CAPS2: variants seen among roughly 807,000 people sequenced by gnomAD.
The protein encoded by CAPS2 is calcyphosin-2.
In CAPS2, 98 loss-of-function variants were observed where a neutral mutation model predicts 86.5. The ratio of observed to expected loss-of-function variants is 1.13; its 90% confidence interval spans 0.96 to 1.34. The LOEUF (loss-of-function observed/expected upper bound fraction) is 1.34. CAPS2 is among the 40% of genes most tolerant of loss of function. The probability of loss-of-function intolerance (pLI) is 0.00; values close to 1 mark genes in which losing one functional copy is unlikely to be tolerated. For synonymous variants in CAPS2, 210 were observed against 225.1 expected, an observed-to-expected ratio of 0.93 and a Z score of 0.60; for missense variants, 729 against 686.8, an observed-to-expected ratio of 1.06 and a Z score of -0.69.
At chr12:75,329,744 T>C (rs1211386143), upstream of CAPS2, 3 of 1,125,654 alleles carry the variant, frequency 2.7e-6, no homozygotes, top group African/African-American at 3.2e-5. Context: ...GAAACTTAGG[T>C]CATTCCTAAT....
At chr12:75,334,995 A>G, upstream of CAPS2, 1 of 1,245,464 alleles carries the variant, frequency 8.0e-7, no homozygotes, top group Non-Finnish European at 1.1e-6. Context: ...TACTAATTCA[A>G]TCCGGACTTT....
At chr12:75,326,430 C>A (rs776612406) in exon 1 of CAPS2, 1 of 1,484,616 alleles carries the variant, frequency 6.7e-7, no homozygotes, top group East Asian at 2.5e-5. Flanking sequence ...GTAGAGGCTT[C>A]TTTCTTCCAA....
chr12:75,294,208 C>T lies in CAPS2; in HGVS notation c.1045-841G>A, dbSNP rs148877392. 8.4e-3 allele frequency among the ~76,000 whole-genome samples: 1,277 copies of T among 152,042 alleles called. 21 individuals carry two copies. Among genetic ancestry groups the T allele is most frequent in the African/African-American group, 0.029 (1,198 of 41,472 alleles). ...ATCCACTTGCCTGGGCCTCCCAAAG[C>T]GCTGGGATTACAGGTGTGAGCCACC... On this transcript the variant is annotated intron_variant, in intron 11 of 16. Coordinates refer to ENST00000393284, the Ensembl canonical transcript of CAPS2.
Position 75,344,900 on chromosome 12 carries a change from T to A in CAPS2, c.-394-21678A>T, listed in dbSNP as rs1028954015. ...GCAAGATTCTTCTGCACACTCTAAC[T>A]AATACCCTGAGAATTATGAAGTTGT... On this transcript the variant is annotated intron_variant, in intron 1 of 5. Coordinates refer to the CAPS2 transcript ENST00000551829. Among the ~76,000 whole-genome samples, 4 of 152,256 alleles carry A rather than the reference T, an allele frequency of 2.6e-5. No homozygotes were observed. The East Asian group carries it at 7.7e-4, about 29-fold the overall frequency.
At chr12:75,277,165 G>A, downstream of CAPS2, 3 of 980,310 alleles carry the variant, frequency 3.1e-6, no homozygotes, top group Non-Finnish European at 3.6e-6. Context: ...TTAATACTAA[G>A]AGTATGCTGT....
intron 1 of CAPS2, among the ~76,000 whole-genome samples, chr12:75,381,308 C>T (rs1212828982): frequency 2.0e-5 from 3 of 152,166 alleles, no homozygotes; most frequent in Non-Finnish European, 4.4e-5. Flanking sequence ...CCTAGCCATG[C>T]GGAACCGTAC....
At chr12:75,330,892 C>G (rs1322773487), upstream of CAPS2, among the ~76,000 whole-genome samples, 4 of 151,772 alleles carry the variant, frequency 2.6e-5, no homozygotes, top group African/African-American at 7.3e-5. Flanking sequence ...TCAAGCGATT[C>G]TCCTGCCCCA....
At chr12:75,370,720 C>A (rs1191875578) in intron 1 of CAPS2, among the ~76,000 whole-genome samples, 1 of 152,126 alleles carries the variant, frequency 6.6e-6, no homozygotes, top group Non-Finnish European at 1.5e-5. Context: ...AAGTTGCACT[C>A]TTCTAGGAGA....
intron 12 of CAPS2, among the ~76,000 whole-genome samples, chr12:75,292,122 AGTGGCGAG>A (rs764466416): frequency 2.6e-5 from 4 of 152,112 alleles, no homozygotes; most frequent in Non-Finnish European, 4.4e-5. Flanking sequence ...GCTGGAGTGC[AGTGGCGAG>A]ATCTCGGCTC....
In CAPS2 at chr12:75,343,759, G is replaced by A. The variant is rs374086216; in HGVS notation, c.-394-20537C>T. The A allele has an allele frequency of 5.6e-6, 9 of 1,612,390 alleles. No individual in the cohort carries two copies. In the African/African-American group the frequency reaches 1.1e-4, roughly 19 times the overall value. On this transcript the variant is annotated intron_variant, in intron 1 of 5. Coordinates refer to the CAPS2 transcript ENST00000551829. ...AAACCAGTGCAAATTTGAACATAAT[G>A]ACTGTTTGGATAAATCATATAAATG...
intron 7 of CAPS2, among the ~76,000 whole-genome samples, chr12:75,311,699 G>GAAAAAAAAAAAAAAA (rs764314438): frequency 5.9e-5 from 1 of 16,994 alleles, no homozygotes; most frequent in African/African-American, 1.2e-4. Context: ...AAGCCATGCA[G>GAAAAAAAAAAAAAAA]GAAAAAAAAA....
chr12:75,346,921 T>C (rs892525244), intron 1 of CAPS2, among the ~76,000 whole-genome samples: 1 of 152,164 alleles, frequency 6.6e-6, no homozygotes, highest in African/African-American at 2.4e-5. Flanking sequence ...CCAGTATTTT[T>C]TTCCCTTTTT....
chr12:75,379,154 C>A (rs1368128577), intron 1 of CAPS2, among the ~76,000 whole-genome samples: 2 of 152,068 alleles, frequency 1.3e-5, no homozygotes, highest in African/African-American at 4.8e-5. Flanking sequence ...ATATGATTTT[C>A]TTTAAGTCAG....
At chr12:75,344,470 T>A (rs779990131) in intron 1 of CAPS2, among the ~76,000 whole-genome samples, 17 of 152,148 alleles carry the variant, frequency 1.1e-4, no homozygotes, top group Non-Finnish European at 2.5e-4. Flanking sequence ...TCTACAAATT[T>A]AATATTTTTA....
intron 1 of CAPS2, among the ~76,000 whole-genome samples, chr12:75,346,628 A>G (rs1288823268): frequency 1.3e-5 from 2 of 152,150 alleles, no homozygotes; most frequent in African/African-American, 2.4e-5. Flanking sequence ...TGACCTCGCA[A>G]TCTGCCCGCC....
chr12:75,322,261 A>G (rs913288745), intron 4 of CAPS2, among the ~76,000 whole-genome samples: 7 of 152,120 alleles, frequency 4.6e-5, no homozygotes, highest in African/African-American at 1.7e-4. Context: ...GTGAGAGATA[A>G]TAAGAGTCAG....
chr12:75,375,504 A>G (rs1258483163), intron 1 of CAPS2, among the ~76,000 whole-genome samples: 1 of 152,200 alleles, frequency 6.6e-6, no homozygotes, highest in Admixed American at 6.5e-5. Context: ...TTGGTAGTAT[A>G]GTGGGGTCCT....
intron 1 of CAPS2, among the ~76,000 whole-genome samples, chr12:75,384,484 C>G (rs1392254157): frequency 1.3e-5 from 2 of 152,076 alleles, no homozygotes; most frequent in African/African-American, 2.4e-5. Flanking sequence ...AGGCCTATTC[C>G]TATTTAAGAA....
upstream of CAPS2, chr12:75,329,713 A>G (rs754290822): frequency 7.5e-5 from 55 of 736,412 alleles, no homozygotes; most frequent in Non-Finnish European, 1.1e-4. Flanking sequence ...CCAGACGACT[A>G]CAGACCCAGA....
Sources: gnomAD v4.1 joint callset for allele counts (sites outside exome capture counted in the v4.1 genomes callset) on GRCh38, gnomAD v4.1.1 for gene constraint, MANE v1.5 for transcripts, NCBI Gene and HGNC (gene_info 2026-07-23, HGNC 2026-07-21) for gene names.